The following ESRRG variants were observed in gnomAD, a reference collection of about 807,000 sequenced individuals.
ESRRG encodes estrogen related receptor gamma, also known as estrogen-related receptor gamma.
In ESRRG, 13 loss-of-function variants were observed where a neutral mutation model predicts 44.0. That is an observed-to-expected ratio of 0.30 (90% CI 0.19 to 0.47). The LOEUF is 0.47. Ranked by LOEUF, ESRRG falls within the 20% of genes least tolerant of loss-of-function variation. ESRRG has a pLI of 1.00. For missense variants in ESRRG, 395 were observed against 580.6 expected (o/e 0.68, Z 3.29); for synonymous variants, 215 against 214.6 (o/e 1.00, Z -0.02).
intron 3 of ESRRG, among the ~76,000 whole-genome samples, chr1:216,581,978 G>A (rs2062863153): frequency 6.6e-6 from 1 of 152,200 alleles, no homozygotes; most frequent in South Asian, 2.1e-4. Context: ...TAGAAGTCAA[G>A]TTTGACAATT....
Position 216,936,974 on chromosome 1 carries a change from C to T in ESRRG, c.-14+2608G>A, listed in dbSNP as rs1018993192. Among the ~76,000 whole-genome samples, 7 of 152,038 alleles carry T rather than the reference C, an allele frequency of 4.6e-5. No individual in the cohort carries two copies. The South Asian group carries it at 6.3e-4, about 14-fold the overall frequency. On this transcript the variant is annotated intron_variant, in intron 2 of 7. Transcript: ENST00000359162. ...ACTTAACCGAGAGGCATTCTCAAGCCATCCTGAAACATCCCCCCTGCAGAC... is the reference window on the plus strand; with the variant it reads ...ACTTAACCGAGAGGCATTCTCAAGCTATCCTGAAACATCCCCCCTGCAGAC...
At chr1:216,569,217 G>T (rs1337227167) in intron 3 of ESRRG, among the ~76,000 whole-genome samples, 1 of 140,602 alleles carries the variant, frequency 7.1e-6, no homozygotes, top group African/African-American at 2.7e-5. Flanking sequence ...GAAAGGAAAG[G>T]AAAGGAAAGG....
intron 6 of ESRRG, among the ~76,000 whole-genome samples, chr1:216,513,797 G>GT (rs1479658970): frequency 6.6e-6 from 1 of 152,064 alleles, no homozygotes; most frequent in Non-Finnish European, 1.5e-5. Context: ...TTTCCAGGGG[G>GT]TTTTTAACTC....
intron 2 of ESRRG, among the ~76,000 whole-genome samples, chr1:216,791,730 C>A (rs759301324): frequency 6.6e-6 from 1 of 152,168 alleles, no homozygotes; most frequent in Non-Finnish European, 1.5e-5. Flanking sequence ...TCATTTTTAT[C>A]ATACCACTTG....
intron 1 of ESRRG, among the ~76,000 whole-genome samples, chr1:217,062,762 T>G (rs2088821361): frequency 6.6e-6 from 1 of 152,154 alleles, no homozygotes; most frequent in African/African-American, 2.4e-5. Context: ...ATACCTCCCT[T>G]CAGTCTACAG....
intron 2 of ESRRG, among the ~76,000 whole-genome samples, chr1:216,660,636 C>A (rs926416592): frequency 1.3e-5 from 2 of 152,194 alleles, no homozygotes; most frequent in Non-Finnish European, 2.9e-5. Context: ...GTAGCTGTTG[C>A]TGTTGCTATT....
At chr1:216,880,304 C>CAAAAAAAAAAAA (rs11301281) in intron 2 of ESRRG, among the ~76,000 whole-genome samples, 359 of 29,076 alleles carry the variant, frequency 0.012, 59 homozygotes, top group East Asian at 0.014. Flanking sequence ...GCCTCCCTCT[C>CAAAAAAAAAAAA]AAAAAAAAAA....
chr1:216,913,207 T>C (rs2060709444), intron 2 of ESRRG, among the ~76,000 whole-genome samples: 1 of 151,952 alleles, frequency 6.6e-6, no homozygotes, highest in Non-Finnish European at 1.5e-5. Context: ...TGTGCAGACT[T>C]TTTTTCCTTG....
chr1:216,631,578 C>T (rs1023077240), intron 3 of ESRRG, among the ~76,000 whole-genome samples: 7 of 152,044 alleles, frequency 4.6e-5, no homozygotes, highest in Admixed American at 4.6e-4. Flanking sequence ...CAATGTAGAC[C>T]AAATCTCAGT....
At chr1:216,822,224 C>T (rs986402802) in intron 2 of ESRRG, among the ~76,000 whole-genome samples, 1 of 152,108 alleles carries the variant, frequency 6.6e-6, no homozygotes, top group Non-Finnish European at 1.5e-5. Context: ...CAGCTCTGTC[C>T]AAGTAGCTGT....
chr1:217,134,488 A>G (rs1427020023), intron 1 of ESRRG, among the ~76,000 whole-genome samples: 1 of 151,528 alleles, frequency 6.6e-6, no homozygotes, highest in African/African-American at 2.4e-5. Context: ...ATTCCTCCCT[A>G]CCCCCGCTCT....
intron 3 of ESRRG, among the ~76,000 whole-genome samples, chr1:216,607,551 A>T (rs1007814401): frequency 1.3e-5 from 2 of 152,178 alleles, no homozygotes; most frequent in Admixed American, 6.5e-5. Context: ...TGTTTCTGAA[A>T]CACCACTCCC....
chr1:216,637,949 A>C (rs11117639), intron 3 of ESRRG, among the ~76,000 whole-genome samples: 30,048 of 152,064 alleles, frequency 0.2, 3,794 homozygotes, highest in Non-Finnish European at 0.29. Flanking sequence ...TTTATGAAAA[A>C]TTATTCCTGC....
chr1:216,936,956 C>CG (rs2064240336), intron 2 of ESRRG, among the ~76,000 whole-genome samples: 2 of 152,002 alleles, frequency 1.3e-5, no homozygotes, highest in African/African-American at 4.8e-5. Flanking sequence ...AGAACTTAAC[C>CG]GAGAGGCATT....
chr1:216,871,112 T>A (rs941289209), intron 2 of ESRRG, among the ~76,000 whole-genome samples: 2 of 152,028 alleles, frequency 1.3e-5, no homozygotes, highest in African/African-American at 2.4e-5. Flanking sequence ...TATTTTCTAA[T>A]AGCATATAAT....
chr1:217,126,555 T>C (rs980086760), intron 1 of ESRRG, among the ~76,000 whole-genome samples: 5 of 152,094 alleles, frequency 3.3e-5, no homozygotes, highest in Non-Finnish European at 7.4e-5. Flanking sequence ...CTATATGACA[T>C]TGGTCACAAC....
intron 1 of ESRRG, among the ~76,000 whole-genome samples, chr1:217,052,839 T>G (rs1200067977): frequency 3.3e-5 from 5 of 152,122 alleles, no homozygotes. Flanking sequence ...TTAAGAAATC[T>G]TGCATCTTCC....
intron 1 of ESRRG, among the ~76,000 whole-genome samples, chr1:217,045,460 G>T (rs2151176203): frequency 6.6e-6 from 1 of 152,332 alleles, no homozygotes; most frequent in Admixed American, 6.5e-5. Context: ...GGTATTAAAA[G>T]TGGGAGAAAA....
chr1:217,045,844 C>T (rs772542156), intron 1 of ESRRG, among the ~76,000 whole-genome samples: 2 of 152,118 alleles, frequency 1.3e-5, no homozygotes, highest in Non-Finnish European at 2.9e-5. Context: ...TCCTTTGCTG[C>T]TATGTTTCTT....
Sources: allele counts gnomAD v4.1 joint callset (sites outside exome capture counted in the v4.1 genomes callset), GRCh38; gene constraint gnomAD v4.1.1; transcripts MANE v1.5; gene names NCBI Gene and HGNC (gene_info 2026-07-23, HGNC 2026-07-21).